The following GAS2 variants were observed in gnomAD, a reference collection of about 807,000 sequenced individuals.
The protein encoded by GAS2 is growth arrest specific 2.
In GAS2, 20 loss-of-function variants were observed where a neutral mutation model predicts 37.5. That is an observed-to-expected ratio of 0.53 (90% CI 0.37 to 0.77). The LOEUF is 0.77. GAS2 is among the 30% of genes least tolerant of loss of function. The pLI is 0.00. For missense variants in GAS2, 336 were observed against 373.4 expected (o/e 0.90, Z 0.82); for synonymous variants, 144 against 132.2 (o/e 1.09, Z -0.61).
chr11:22,789,307 C>T (rs2041469), intron 7 of GAS2, among the ~76,000 whole-genome samples: 23,687 of 65,214 alleles, frequency 0.36, 2,489 homozygotes, highest in Non-Finnish European at 0.4. Context: ...TATATATACA[C>T]ACACACACAC....
chr11:22,700,339 G>A (rs1850766825), intron 3 of GAS2, among the ~76,000 whole-genome samples: 1 of 151,996 alleles, frequency 6.6e-6, no homozygotes, highest in Non-Finnish European at 1.5e-5. Context: ...TAATCCTGAA[G>A]ACTTTATTCT....
intron 3 of GAS2, among the ~76,000 whole-genome samples, chr11:22,713,739 T>C (rs1416165513): frequency 6.6e-6 from 1 of 152,128 alleles, no homozygotes; most frequent in Non-Finnish European, 1.5e-5. Context: ...GCAAAGAATC[T>C]TGTACACAGC....
rs1301595375 is a variant in GAS2, at chr11:22,723,840, C to G, written c.268-2452C>G. Among the ~76,000 whole-genome samples, 4 of 151,710 alleles carry G rather than the reference C, an allele frequency of 2.6e-5. No individual in the cohort carries two copies. In the South Asian group the frequency reaches 8.3e-4, roughly 31 times the overall value. ...ATCATCTCTTGGAGATTTTATTCAG[C>G]ATATTATTTTTATAATATGTTTTGG... On this transcript the variant is annotated intron_variant, in intron 3 of 7. Transcript: ENST00000454584.
At chr11:22,776,246 T>A (rs1230459580) in intron 7 of GAS2, among the ~76,000 whole-genome samples, 6 of 152,184 alleles carry the variant, frequency 3.9e-5, no homozygotes, top group African/African-American at 1.2e-4. Flanking sequence ...GATATAACTG[T>A]TTTAGGCTTT....
rs1161355086 is a variant in GAS2, at chr11:22,742,631, A to G, written c.473+4863A>G. On this transcript the variant is annotated intron_variant, in intron 5 of 7. Transcript: ENST00000454584. Reference sequence around the variant, plus strand: ...ATTTGGGACTTAGTGTTGATTTTTTATGTTCAGCGGCATAACTAATTTTCA... The same window carrying G: ...ATTTGGGACTTAGTGTTGATTTTTTGTGTTCAGCGGCATAACTAATTTTCA... Among the ~76,000 whole-genome samples the G allele has an allele frequency of 2.6e-5, 4 of 152,202 alleles. No homozygotes were observed. In the East Asian group the frequency reaches 5.8e-4, roughly 22 times the overall value.
intron 7 of GAS2, among the ~76,000 whole-genome samples, chr11:22,780,390 A>T (rs918659755): frequency 6.6e-6 from 1 of 151,894 alleles, no homozygotes; most frequent in South Asian, 2.1e-4. Context: ...AGCTACTCAG[A>T]AGCCAGAGGC....
chr11:22,812,752 T>C lies in GAS2; in HGVS notation c.*736T>C, dbSNP rs891646816. The C allele has an allele frequency of 2.6e-5, 4 of 152,608 alleles. No individual in the cohort carries two copies. Among genetic ancestry groups the C allele is most frequent in the African/African-American group, 7.2e-5 (3 of 41,452 alleles). The allele number at this position is 152,608 out of a possible 1,614,324, so 9.5% of individuals were successfully genotyped here. A position where few individuals can be genotyped will look rare whatever the true frequency, so the allele number is the denominator to read the frequency against. ...CATGAGCTGACATACGTTGATACTTTGACGAGTAAATTGTACAGTCAAATG... is the reference window on the plus strand; with the variant it reads ...CATGAGCTGACATACGTTGATACTTCGACGAGTAAATTGTACAGTCAAATG... On this transcript the variant is annotated 3_prime_UTR_variant, in exon 8 of 8. Transcript: ENST00000454584.
chr11:22,731,665 G>A (rs181406705), intron 4 of GAS2, among the ~76,000 whole-genome samples: 191 of 151,772 alleles, frequency 1.3e-3, no homozygotes, highest in African/African-American at 4.1e-3. Context: ...TTAAAGTCAC[G>A]TGTTGCATCA....
At chr11:22,628,087 C>A (rs1215778233) in intron 1 of GAS2, among the ~76,000 whole-genome samples, 1 of 152,160 alleles carries the variant, frequency 6.6e-6, no homozygotes, top group Non-Finnish European at 1.5e-5. Flanking sequence ...TAAACTCCTA[C>A]ATATTTCAGA....
intron 2 of GAS2, among the ~76,000 whole-genome samples, chr11:22,684,648 T>A (rs1416382621): frequency 1.3e-5 from 2 of 152,218 alleles, no homozygotes; most frequent in Middle Eastern, 3.2e-3. Context: ...CACTGCAGCC[T>A]CTGCCTCCCA....
intron 1 of GAS2, among the ~76,000 whole-genome samples, chr11:22,671,951 C>T (rs149187104): frequency 4.6e-5 from 7 of 151,268 alleles, no homozygotes; most frequent in East Asian, 3.9e-4. Flanking sequence ...TCAGCCAAAC[C>T]GTTGAGTCAT....
intron 1 of GAS2, among the ~76,000 whole-genome samples, chr11:22,632,023 T>A (rs1858751745): frequency 6.6e-6 from 1 of 151,598 alleles, no homozygotes; most frequent in Non-Finnish European, 1.5e-5. Context: ...TTATTCAGGA[T>A]TTTTATGTCT....
At chr11:22,637,050 A>T (rs1426570356) in intron 1 of GAS2, among the ~76,000 whole-genome samples, 2 of 133,994 alleles carry the variant, frequency 1.5e-5, no homozygotes, top group African/African-American at 5.6e-5. Context: ...ATTATAATTG[A>T]TATAATATTA....
At chr11:22,803,915 G>A (rs911078844) in intron 7 of GAS2, among the ~76,000 whole-genome samples, 1 of 152,020 alleles carries the variant, frequency 6.6e-6, no homozygotes, top group Non-Finnish European at 1.5e-5. Flanking sequence ...TCACTTATCT[G>A]GGGAAGGAGA....
At chr11:22,706,370 C>G (rs1276639098) in intron 3 of GAS2, among the ~76,000 whole-genome samples, 1 of 151,480 alleles carries the variant, frequency 6.6e-6, no homozygotes, top group Admixed American at 6.6e-5. Context: ...TTTTAGGGTA[C>G]ATGTGCACAT....
At chr11:22,794,143 T>C (rs1329392786) in intron 7 of GAS2, among the ~76,000 whole-genome samples, 1 of 152,058 alleles carries the variant, frequency 6.6e-6, no homozygotes, top group Non-Finnish European at 1.5e-5. Flanking sequence ...AACATTTTCT[T>C]ATGTAGATAT....
intron 7 of GAS2, among the ~76,000 whole-genome samples, chr11:22,759,667 G>A (rs1024719260): frequency 6.6e-6 from 1 of 152,158 alleles, no homozygotes; most frequent in Non-Finnish European, 1.5e-5. Flanking sequence ...TTTGGACAGC[G>A]ATGATAAAAC....
chr11:22,750,062 T>C (rs1268459646), intron 6 of GAS2, among the ~76,000 whole-genome samples: 1 of 152,070 alleles, frequency 6.6e-6, no homozygotes, highest in Non-Finnish European at 1.5e-5. Flanking sequence ...GACTGGGATG[T>C]TGTTTATGCA....
At position 22,673,023 on chromosome 11, in the gene GAS2, A is replaced by T. The variant is rs1206744995; in HGVS notation, c.-20-1827A>T. On this transcript the variant is annotated intron_variant, in intron 1 of 7. Transcript: ENST00000454584. ...ACATTTTCAATGGTTGACTTTAGAT[A>T]GATATATATAAGATGTTTTCAGAGA... Among the ~76,000 whole-genome samples the T allele has an allele frequency of 2.0e-5, 3 of 152,172 alleles. 1 individual carries two copies. Among genetic ancestry groups the T allele is most frequent in the Admixed American group, 2.0e-4 (3 of 15,268 alleles).
Sources: gnomAD v4.1 joint callset for allele counts (sites outside exome capture counted in the v4.1 genomes callset) on GRCh38, gnomAD v4.1.1 for gene constraint, MANE v1.5 for transcripts, NCBI Gene and HGNC (gene_info 2026-07-23, HGNC 2026-07-21) for gene names.